ETS1: variants seen among roughly 807,000 people sequenced by gnomAD.
ETS1 encodes protein C-ets-1.
A neutral mutation model predicts 58.6 loss-of-function variants in ETS1; 15 were observed. The ratio of observed to expected loss-of-function variants is 0.26; its 90% CI spans 0.17 to 0.39. ETS1 has a LOEUF of 0.39. Ranked by LOEUF, ETS1 falls within the 10% of genes least tolerant of loss-of-function variation. The probability of loss-of-function intolerance (pLI) is 1.00; values close to 1 mark genes in which losing one functional copy is unlikely to be tolerated. For missense variants in ETS1, 417 were observed against 610.5 expected (o/e 0.68, Z 3.34); for synonymous variants, 214 against 218.2 (o/e 0.98, Z 0.17).
rs80351143 is a variant in ETS1 at position 128,517,612 on chromosome 11, G to C, written c.215-27036C>G. On this transcript the variant is annotated intron_variant, in intron 3 of 9. Transcript: ENST00000392668. ...GCTCATGGAATTCCACCACAGCCAT[G>C]GATTATTCATTACACAAACCAGAGA... is the stretch of plus-strand genomic sequence containing the variant. 8.9e-4 allele frequency among the ~76,000 whole-genome samples: 136 copies of C among 152,316 alleles called. 2 individuals carry two copies. In the East Asian group the frequency reaches 0.026, roughly 29 times the overall value.
intron 7 of ETS1, among the ~76,000 whole-genome samples, chr11:128,483,604 C>A (rs760981687): frequency 5.9e-5 from 9 of 152,176 alleles, no homozygotes; most frequent in Non-Finnish European, 1.2e-4. Context: ...CACCCTGGGG[C>A]CTTAAGAAGG....
intron 1 of ETS1, among the ~76,000 whole-genome samples, chr11:128,579,861 T>C (rs542825443): frequency 3.3e-5 from 5 of 152,240 alleles, no homozygotes; most frequent in Non-Finnish European, 7.4e-5. Flanking sequence ...GAGTATCTCC[T>C]CTTTCAGGAA....
At chr11:128,532,126 A>G (rs1319890018) in intron 3 of ETS1, among the ~76,000 whole-genome samples, 1 of 152,114 alleles carries the variant, frequency 6.6e-6, no homozygotes, top group Non-Finnish European at 1.5e-5. Flanking sequence ...TCTATCTCTA[A>G]TTGTGCCATA....
chr11:128,565,317 G>C (rs139303051), intron 2 of ETS1, among the ~76,000 whole-genome samples: 70 of 152,318 alleles, frequency 4.6e-4, no homozygotes, highest in Admixed American at 1.7e-3. Context: ...GTCCATCTTG[G>C]AAGCTGAGAC....
At chr11:128,510,709 T>C (rs1410440011) in intron 3 of ETS1, among the ~76,000 whole-genome samples, 6 of 152,200 alleles carry the variant, frequency 3.9e-5, no homozygotes, top group Non-Finnish European at 5.9e-5. Context: ...TAATCAGGTG[T>C]ACCGCCCAAC....
Position 128,485,989 on chromosome 11 carries a change from G to A in ETS1, c.613+80C>T, listed in dbSNP as rs192661747. The A allele has an allele frequency of 7.6e-4, 608 of 799,312 alleles. 1 individual carries two copies. In the African/African-American group the frequency reaches 8.8e-3, roughly 12 times the overall value. 49.5% of individuals were successfully genotyped at this position (799,312 alleles called of 1,614,324 possible). ...TTATTTTTGATAGAATTACCATGAAGGAGCCTGAGATTCACTGAGATAGGG... is the reference window on the plus strand; with the variant it reads ...TTATTTTTGATAGAATTACCATGAAAGAGCCTGAGATTCACTGAGATAGGG... On this transcript the variant is annotated intron_variant, in intron 6 of 9. Coordinates refer to ENST00000392668, the MANE Select transcript of ETS1 (RefSeq NM_001143820.2).
chr11:128,573,807 C>T (rs117334295), intron 1 of ETS1, among the ~76,000 whole-genome samples: 1,962 of 152,332 alleles, frequency 0.013, 25 homozygotes, highest in Non-Finnish European at 0.022. Context: ...TACTGGTCAT[C>T]ATTACATATC....
At chr11:128,574,322 C>T (rs1376962643) in intron 1 of ETS1, among the ~76,000 whole-genome samples, 1 of 152,170 alleles carries the variant, frequency 6.6e-6, no homozygotes, top group Non-Finnish European at 1.5e-5. Flanking sequence ...TTTCTTATGT[C>T]TTTTCTTCCA....
intron 8 of ETS1, among the ~76,000 whole-genome samples, chr11:128,466,543 T>A (rs10893873): frequency 1.3e-5 from 2 of 151,894 alleles, no homozygotes; most frequent in East Asian, 3.9e-4. Context: ...TTTCTACCAG[T>A]GCATTTTCCA....
At chr11:128,499,418 G>C (rs923400675) in intron 3 of ETS1, among the ~76,000 whole-genome samples, 4 of 86,642 alleles carry the variant, frequency 4.6e-5, no homozygotes, top group African/African-American at 1.5e-4. Flanking sequence ...TTCAAAACAA[G>C]CACTTGTAGT....
In ETS1 at chr11:128,571,090, G is replaced by T. The variant is rs1016542581; in HGVS notation, c.69+1972C>A. Among the ~76,000 whole-genome samples the T allele has an allele frequency of 3.9e-5, 6 of 152,078 alleles. No homozygotes were observed. In the Middle Eastern group the frequency reaches 0.01, roughly 259 times the overall value. ...ATCCTTAAAATGTGTCTTTTCCCTTGAACAGAATAGCTACTGAGAGTTTTT... is the reference window on the plus strand; with the variant it reads ...ATCCTTAAAATGTGTCTTTTCCCTTTAACAGAATAGCTACTGAGAGTTTTT... On this transcript the variant is annotated intron_variant, in intron 2 of 9. Transcript: ENST00000392668.
At chr11:128,563,491 T>G (rs1313935299) in intron 2 of ETS1, among the ~76,000 whole-genome samples, 1 of 152,176 alleles carries the variant, frequency 6.6e-6, no homozygotes, top group Admixed American at 6.5e-5. Flanking sequence ...TTCCTTAACC[T>G]CTCTGAACCT....
intron 3 of ETS1, among the ~76,000 whole-genome samples, chr11:128,548,984 TTTGGGAGGA>T (rs1443297920): frequency 6.6e-6 from 1 of 152,068 alleles, no homozygotes; most frequent in African/African-American, 2.4e-5. Context: ...GCTCGTGTAT[TTTGGGAGGA>T]TTGCAGGGGA....
intron 8 of ETS1, among the ~76,000 whole-genome samples, chr11:128,473,130 G>C (rs1862231593): frequency 6.6e-6 from 1 of 152,166 alleles, no homozygotes; most frequent in Non-Finnish European, 1.5e-5. Context: ...CAGTGTATAT[G>C]AAGGAGTCTA....
chr11:128,573,268 G>C (rs1864675778), intron 1 of ETS1, 124 bp from the exon 2 acceptor site: 2 of 655,906 alleles, frequency 3.0e-6, no homozygotes, highest in Non-Finnish European at 5.4e-6. Flanking sequence ...TCACTTCTTT[G>C]CATGGCAGGG....
In ETS1 at chr11:128,549,653, C is replaced by T. The variant is rs1251150483; in HGVS notation, c.214+6638G>A. On this transcript the variant is annotated intron_variant, in intron 3 of 9. Coordinates refer to ENST00000392668, the MANE Select transcript of ETS1 (RefSeq NM_001143820.2). This position sits in a 1 kb window ranked among gnomAD's most constrained non-coding sequence, Gnocchi z 4.3. ...CCTTTCCACTGTCACTCCACGAACCCAGCCCAGAGGCTTCGGTTTGTCTGT... is the reference window on the plus strand; with the variant it reads ...CCTTTCCACTGTCACTCCACGAACCTAGCCCAGAGGCTTCGGTTTGTCTGT... Among the ~76,000 whole-genome samples the T allele has an allele frequency of 1.3e-5, 2 of 152,172 alleles. No individual in the cohort carries two copies. Among genetic ancestry groups the T allele is most frequent in the Non-Finnish European group, 2.9e-5 (2 of 68,028 alleles).
chr11:128,519,964 C>T (rs1863620651), intron 3 of ETS1, among the ~76,000 whole-genome samples: 1 of 152,074 alleles, frequency 6.6e-6, no homozygotes, highest in Non-Finnish European at 1.5e-5. Context: ...AACCTCTTTA[C>T]AATGAATGGC....
intron 3 of ETS1, among the ~76,000 whole-genome samples, chr11:128,531,350 A>T (rs528761142): frequency 6.6e-6 from 1 of 152,344 alleles, no homozygotes; most frequent in East Asian, 1.9e-4. Flanking sequence ...ACTGTGCATG[A>T]TGCAGAATGA....
chr11:128,523,837 GA>G (rs1160904565), intron 3 of ETS1, among the ~76,000 whole-genome samples: 1 of 151,954 alleles, frequency 6.6e-6, no homozygotes, highest in Non-Finnish European at 1.5e-5. Flanking sequence ...CAGATGACAA[GA>G]ACAGACCCTT....
Sources: allele counts gnomAD v4.1 joint callset (sites outside exome capture counted in the v4.1 genomes callset), GRCh38; gene constraint gnomAD v4.1.1; non-coding constraint Gnocchi (gnomAD v3.1); transcripts MANE v1.5; gene names NCBI Gene and HGNC (gene_info 2026-07-23, HGNC 2026-07-21).